BCAR3: variants seen among roughly 807,000 people sequenced by gnomAD.
BCAR3 encodes BCAR3 adaptor protein, NSP family member.
A neutral mutation model predicts 80.1 loss-of-function variants in BCAR3; 37 were observed. The ratio of observed to expected loss-of-function variants is 0.46; its 90% CI spans 0.36 to 0.61. The LOEUF is 0.61. Among genes scored for constraint, BCAR3 ranks in the 20% least tolerant of loss-of-function variants. The probability of loss-of-function intolerance (pLI) is 0.00; values close to 1 mark genes in which losing one functional copy is unlikely to be tolerated. For synonymous variants in BCAR3, 389 were observed against 418.9 expected (o/e 0.93, Z 0.87); for missense variants, 978 against 1,068.2 (o/e 0.92, Z 1.18).
intron 2 of BCAR3, among the ~76,000 whole-genome samples, chr1:93,797,979 G>A (rs1408518581): frequency 1.3e-5 from 2 of 152,182 alleles, no homozygotes; most frequent in Admixed American, 6.5e-5. Flanking sequence ...GTGGGCAAAG[G>A]TAAATGCCCT....
intron 2 of BCAR3, among the ~76,000 whole-genome samples, chr1:93,805,143 A>T (rs1653615023): frequency 6.6e-6 from 1 of 152,252 alleles, no homozygotes; most frequent in Non-Finnish European, 1.5e-5. Flanking sequence ...CAGCAATTTA[A>T]GTTCAGGAAT....
chr1:93,569,934 T>C (rs900078195), intron 9 of BCAR3, among the ~76,000 whole-genome samples: 16 of 152,340 alleles, frequency 1.1e-4, no homozygotes, highest in African/African-American at 3.8e-4. Flanking sequence ...GCTGTCAAAA[T>C]TCTAGGCAGT....
chr1:93,575,350 G>T (rs1208241569), intron 8 of BCAR3, among the ~76,000 whole-genome samples: 2 of 152,214 alleles, frequency 1.3e-5, no homozygotes, highest in African/African-American at 4.8e-5. Context: ...TGGCTTTGTG[G>T]TAATATGGAT....
intron 2 of BCAR3, among the ~76,000 whole-genome samples, chr1:93,732,498 C>T (rs1650824506): frequency 6.6e-6 from 1 of 152,002 alleles, no homozygotes; most frequent in Non-Finnish European, 1.5e-5. Context: ...GCCTGTAATC[C>T]CAGCTACTCC....
At chr1:93,580,751 T>C (rs1183682236) in intron 7 of BCAR3, among the ~76,000 whole-genome samples, 1 of 152,186 alleles carries the variant, frequency 6.6e-6, no homozygotes, top group African/African-American at 2.4e-5. Context: ...CTGAAGGTCC[T>C]AAAACGAATC....
chr1:93,694,998 C>G (rs185105498), intron 3 of BCAR3, among the ~76,000 whole-genome samples: 2 of 152,362 alleles, frequency 1.3e-5, no homozygotes, highest in Admixed American at 6.5e-5. Flanking sequence ...CTGCTCCTCC[C>G]CTGACATCGT....
At chr1:93,786,106 T>C (rs1311064342) in intron 2 of BCAR3, among the ~76,000 whole-genome samples, 1 of 113,594 alleles carries the variant, frequency 8.8e-6, no homozygotes, top group African/African-American at 4.4e-5. Context: ...GGCAGGAGAA[T>C]GGCGTGAACC....
In BCAR3 at chr1:93,589,124, C is replaced by T. The variant is rs1453221779; in HGVS notation, c.782G>A (p.Cys261Tyr). 1 of 1,613,130 alleles carries T rather than the reference C, an allele frequency of 6.2e-7. No individual in the cohort carries two copies. The highest frequency in any genetic ancestry group is 1.7e-5 in the Admixed American group (1 of 59,994). Reference protein sequence around the residue: ...QPINRTVPLRCLEEHYGTSPG... With the variant: ...QPINRTVPLRYLEEHYGTSPG... ...GGAGGTGCCATAATGCTCCTCCAGG[C>T]ACCGCAGAGGCACCGTCCTGTTGAT... The change falls in exon 5 of 12, where the codon TGC (cysteine) becomes TAC (tyrosine). Residue 261 changes from cysteine to tyrosine, a missense_variant. By Grantham distance (194) the Cys-to-Tyr change is radical. Transcript: ENST00000260502.
At chr1:93,585,022 G>A (rs1395959029) in intron 5 of BCAR3, 1 of 985,382 alleles carries the variant, frequency 1.0e-6, no homozygotes, top group Non-Finnish European at 1.2e-6. Flanking sequence ...AAACTCCAAG[G>A]AACAGAGAAA....
In BCAR3 at chr1:93,639,531, C is replaced by T. The variant is rs187457539; in HGVS notation, c.357+2773G>A. Among the ~76,000 whole-genome samples the T allele has an allele frequency of 1.0e-3, 150 of 146,542 alleles. 2 individuals carry two copies. The highest frequency in any genetic ancestry group is 3.7e-3 in the African/African-American group (145 of 39,320). ...CACTCTTGTCACCCAGGCTGCAGTG[C>T]AATCGTGCGACTTCAGCTCACTGCA... On this transcript the variant is annotated intron_variant, in intron 3 of 11. Coordinates refer to ENST00000260502, the MANE Select transcript of BCAR3 (RefSeq NM_003567.4).
At chr1:93,843,650 G>GT (rs1407925666) in intron 2 of BCAR3, among the ~76,000 whole-genome samples, 2 of 152,068 alleles carry the variant, frequency 1.3e-5, no homozygotes, top group African/African-American at 4.8e-5. Context: ...TTTATTAGTA[G>GT]TATAATAGAG....
At chr1:93,618,213 C>T (rs892940344) in intron 3 of BCAR3, among the ~76,000 whole-genome samples, 2 of 152,222 alleles carry the variant, frequency 1.3e-5, no homozygotes, top group African/African-American at 4.8e-5. Context: ...GGGCAGGCAA[C>T]AATGCCTGCG....
chr1:93,636,260 A>G (rs1675775973), intron 3 of BCAR3, among the ~76,000 whole-genome samples: 1 of 152,198 alleles, frequency 6.6e-6, no homozygotes, highest in Admixed American at 6.5e-5. Context: ...GTCCCCACTC[A>G]GGATAACAGC....
chr1:93,777,994 A>G (rs868608622), intron 2 of BCAR3, among the ~76,000 whole-genome samples: 28 of 152,352 alleles, frequency 1.8e-4, no homozygotes, highest in African/African-American at 6.5e-4. Context: ...TCTTATTCAT[A>G]TTAACATTGT....
intron 3 of BCAR3, among the ~76,000 whole-genome samples, chr1:93,609,691 G>A (rs1219677344): frequency 1.3e-5 from 2 of 152,230 alleles, no homozygotes; most frequent in Non-Finnish European, 2.9e-5. Context: ...TAGCTCACCA[G>A]GGACCTGGGG....
At chr1:93,566,420 C>T (rs1453403418) in intron 11 of BCAR3, among the ~76,000 whole-genome samples, 1 of 152,160 alleles carries the variant, frequency 6.6e-6, no homozygotes, top group Non-Finnish European at 1.5e-5. Flanking sequence ...TTTATCGTAC[C>T]TGCTTAAATT....
At chr1:93,604,120 C>T (rs532063197) in intron 3 of BCAR3, among the ~76,000 whole-genome samples, 14 of 152,316 alleles carry the variant, frequency 9.2e-5, no homozygotes, top group African/African-American at 3.4e-4. Context: ...TCATTTATCA[C>T]ACTGTAGACC....
At chr1:93,723,334 A>G (rs1340536626) in intron 2 of BCAR3, 1 of 152,306 alleles carries the variant, frequency 6.6e-6, no homozygotes, top group East Asian at 1.9e-4. Context: ...CTTTAGGGAA[A>G]GGCCATCTGG....
At chr1:93,717,570 C>CA (rs1322503172) in intron 2 of BCAR3, among the ~76,000 whole-genome samples, 4 of 151,258 alleles carry the variant, frequency 2.6e-5, no homozygotes, top group East Asian at 3.9e-4. Flanking sequence ...ACTAAAAATA[C>CA]AAAAAAAATT....
Sources: allele counts gnomAD v4.1 joint callset (sites outside exome capture counted in the v4.1 genomes callset), GRCh38; gene constraint gnomAD v4.1.1; transcripts MANE v1.5; gene names NCBI Gene and HGNC (gene_info 2026-07-23, HGNC 2026-07-21).